TSPAN9: variants seen among roughly 807,000 people sequenced by gnomAD.
The protein encoded by TSPAN9 is tetraspanin 9.
A neutral mutation model predicts 31.0 loss-of-function variants in TSPAN9; 16 were observed. The observed-to-expected ratio is 0.52, with a 90% confidence interval of 0.35 to 0.78. The LOEUF is 0.78. TSPAN9 is among the 30% of genes least tolerant of loss of function. The pLI is 0.01. For missense variants in TSPAN9, 272 were observed against 312.5 expected (o/e 0.87, Z 0.98); for synonymous variants, 145 against 121.6 (o/e 1.19, Z -1.27).
intron 3 of TSPAN9, among the ~76,000 whole-genome samples, chr12:3,276,229 G>A (rs1041243630): frequency 2.6e-5 from 4 of 152,136 alleles, no homozygotes; most frequent in East Asian, 1.9e-4. Context: ...GGCCTCCCTC[G>A]GGCCCTCCCG....
At chr12:3,115,556 T>TG (rs1377122295) in intron 2 of TSPAN9, among the ~76,000 whole-genome samples, 1 of 152,182 alleles carries the variant, frequency 6.6e-6, no homozygotes, top group Non-Finnish European at 1.5e-5. Context: ...TTCTGGAGGC[T>TG]GGGGGTCCCA....
intron 3 of TSPAN9, among the ~76,000 whole-genome samples, chr12:3,237,126 A>G (rs1424996406): frequency 6.6e-6 from 1 of 152,102 alleles, no homozygotes; most frequent in Non-Finnish European, 1.5e-5. Flanking sequence ...TGTCCAGGAG[A>G]GAGGAGGGGC....
chr12:3,104,936 A>T (rs1188428369), intron 2 of TSPAN9, among the ~76,000 whole-genome samples: 1 of 152,166 alleles, frequency 6.6e-6, no homozygotes, highest in African/African-American at 2.4e-5. Context: ...TGTGGGGGTG[A>T]TGGGCAGGGG....
At chr12:3,226,694 G>A (rs368467683) in intron 3 of TSPAN9, among the ~76,000 whole-genome samples, 4 of 25,322 alleles carry the variant, frequency 1.6e-4, no homozygotes, top group Admixed American at 5.5e-4. Flanking sequence ...GTGTGTGTGT[G>A]TGTGTGTGTG....
intron 5 of TSPAN9, 73 bp downstream of exon 5, chr12:3,279,139 C>A: frequency 1.5e-6 from 2 of 1,375,592 alleles, no homozygotes; most frequent in Non-Finnish European, 2.1e-6. Flanking sequence ...AGGCCAGGGT[C>A]CCTTCCCTGG....
At chr12:3,139,672 AG>A (rs1222284200) in intron 2 of TSPAN9, among the ~76,000 whole-genome samples, 1 of 152,080 alleles carries the variant, frequency 6.6e-6, no homozygotes, top group African/African-American at 2.4e-5. Context: ...CAGCCTCCCG[AG>A]TAGCTGGGAC....
chr12:3,124,926 A>T (rs1202856267), intron 2 of TSPAN9: 2 of 151,904 alleles, frequency 1.3e-5, no homozygotes, highest in East Asian at 3.9e-4. Context: ...AGTCAGGTAT[A>T]GGGGTGTGCC....
chr12:3,098,520 G>T (rs2098310255), intron 2 of TSPAN9, among the ~76,000 whole-genome samples: 1 of 152,164 alleles, frequency 6.6e-6, no homozygotes, highest in African/African-American at 2.4e-5. Flanking sequence ...CTGCAAGGGA[G>T]GGCTGAGTGA....
chr12:3,089,056 C>T (rs1439835467), intron 2 of TSPAN9, among the ~76,000 whole-genome samples: 1 of 151,720 alleles, frequency 6.6e-6, no homozygotes, highest in South Asian at 2.1e-4. Context: ...CACGGTGAAA[C>T]CCCATCTGTA....
At chr12:3,116,891 G>A (rs549409973) in intron 2 of TSPAN9, among the ~76,000 whole-genome samples, 61 of 152,262 alleles carry the variant, frequency 4.0e-4, no homozygotes, top group African/African-American at 1.3e-3. Context: ...GCCCTTGGAC[G>A]CATTCTGGCT....
intron 2 of TSPAN9, among the ~76,000 whole-genome samples, chr12:3,151,923 A>C (rs2098339945): frequency 9.1e-6 from 1 of 110,276 alleles, no homozygotes; most frequent in Admixed American, 8.8e-5. Context: ...ACTCCACCTC[A>C]AAAAAAACAA....
chr12:3,092,905 G>C (rs1411112810), intron 2 of TSPAN9, among the ~76,000 whole-genome samples: 1 of 152,180 alleles, frequency 6.6e-6, no homozygotes, highest in African/African-American at 2.4e-5. Flanking sequence ...AAATGAGTAG[G>C]CAGGCCTCCC....
intron 2 of TSPAN9, among the ~76,000 whole-genome samples, chr12:3,164,618 G>A (rs942229731): frequency 3.3e-5 from 5 of 152,186 alleles, no homozygotes; most frequent in South Asian, 4.2e-4. Context: ...GGCATCTTGC[G>A]GTGACTCCTG....
chr12:3,132,062 T>A (rs931400110), intron 2 of TSPAN9, among the ~76,000 whole-genome samples: 1 of 152,240 alleles, frequency 6.6e-6, no homozygotes, highest in African/African-American at 2.4e-5. Context: ...CTTAGCGTAT[T>A]TTCAAGGCTC....
intron 3 of TSPAN9, among the ~76,000 whole-genome samples, chr12:3,272,694 A>T (rs1004335949): frequency 6.6e-5 from 10 of 152,126 alleles, no homozygotes; most frequent in African/African-American, 2.4e-4. Flanking sequence ...TGGGAGACCG[A>T]TGGGACCCAT....
chr12:3,082,131 C>T (rs373342479), intron 1 of TSPAN9, among the ~76,000 whole-genome samples: 39 of 152,244 alleles, frequency 2.6e-4, no homozygotes, highest in African/African-American at 9.4e-4. Flanking sequence ...AAGGACAAGG[C>T]GAATGGCTTC....
chr12:3,247,221 C>G (rs927662882), intron 3 of TSPAN9, among the ~76,000 whole-genome samples: 1 of 151,622 alleles, frequency 6.6e-6, no homozygotes, highest in Non-Finnish European at 1.5e-5. Context: ...GACAAAGGCC[C>G]ATGAAACTTA....
intron 8 of TSPAN9, 73 bp downstream of exon 8, chr12:3,281,890 G>T (rs1262691567): frequency 1.1e-5 from 17 of 1,518,352 alleles, no homozygotes; most frequent in Non-Finnish European, 1.3e-5. Flanking sequence ...GCACAGAGAA[G>T]TGAAAGCAGT....
At chr12:3,269,363 C>T (rs371594908) in intron 3 of TSPAN9, among the ~76,000 whole-genome samples, 9 of 48,686 alleles carry the variant, frequency 1.8e-4, no homozygotes, top group Admixed American at 2.2e-4. Flanking sequence ...GCCTGCCCTC[C>T]CTGTGTTCCT....
Sources: allele counts gnomAD v4.1 joint callset (sites outside exome capture counted in the v4.1 genomes callset), GRCh38; gene constraint gnomAD v4.1.1; transcripts MANE v1.5; gene names NCBI Gene and HGNC (gene_info 2026-07-23, HGNC 2026-07-21).